Variants in TAP1 observed in about 807,000 individuals in gnomAD.
The protein encoded by TAP1 is transporter 1, ATP binding cassette subfamily B member.
In TAP1, 56 loss-of-function variants were observed where a neutral mutation model predicts 79.3. The ratio of observed to expected loss-of-function variants is 0.71; its 90% CI spans 0.57 to 0.88. The LOEUF (loss-of-function observed/expected upper bound fraction) is 0.88. Among genes scored for constraint, TAP1 ranks in the 40% least tolerant of loss-of-function variants. TAP1 has a pLI of 0.00. For missense variants in TAP1, 737 were observed against 936.3 expected, an observed-to-expected ratio of 0.79 and a Z score of 2.78; for synonymous variants, 355 against 401.4, an observed-to-expected ratio of 0.88 and a Z score of 1.38.
At position 32,847,651 on chromosome 6, in the gene TAP1, G is replaced by T; in HGVS notation, c.1765C>A (p.Gln589Lys). 6.2e-7 allele frequency: 1 copy of T among 1,613,880 alleles called. No individual in the cohort carries two copies. The highest frequency in any genetic ancestry group is 1.1e-5 in the South Asian group (1 of 91,068). ...TCTTGAAGACTTCTTCCAAATACCT[G>T]TGGCTCTTGTCCCACTGCAGCCACC... ...RQVAAVGQEP[Q>K]VFGRSLQENI... Residue 589 changes from glutamine (Q) to lysine (K), a missense_variant, in exon 9 of 11, where the codon CAG becomes AAG. By Grantham distance (53) the Gln-to-Lys change is moderately conservative. Transcript: ENST00000354258. This position sits in a 1 kb window ranked among gnomAD's most constrained non-coding sequence, Gnocchi z 4.7.
rs1353227313 is a variant in TAP1 at position 32,853,293 on chromosome 6, T to A, written c.344A>T (p.Glu115Val). ...LALPGLALFR[E>V]LISWGAPGSA... Reference sequence around the variant, plus strand: ...CCCGGGGGCTCCCCATGAGATCAGCTCTCGGAACAAGGCAAGTCCCGGCAG... The same window carrying A: ...CCCGGGGGCTCCCCATGAGATCAGCACTCGGAACAAGGCAAGTCCCGGCAG... Residue 115 changes from glutamate (E) to valine (V), a missense_variant, in exon 1 of 11, where the codon GAG becomes GTG. By Grantham distance (121) the Glu-to-Val change is moderately radical. Transcript: ENST00000354258. This position sits in a 1 kb window ranked among gnomAD's most constrained non-coding sequence, Gnocchi z 8.3. 3 of 1,582,646 alleles carry A rather than the reference T, an allele frequency of 1.9e-6. No homozygotes were observed. Among genetic ancestry groups the A allele is most frequent in the Non-Finnish European group, 2.6e-6 (3 of 1,163,816 alleles).
Position 32,847,785 on chromosome 6 carries a change from C to T in TAP1, c.1741-110G>A, listed in dbSNP as rs908908724. 1 of 1,558,838 alleles carries T rather than the reference C, an allele frequency of 6.4e-7. No homozygotes were observed. The highest frequency in any genetic ancestry group is 1.1e-5 in the South Asian group (1 of 89,856). On this transcript the variant is annotated intron_variant, in intron 8 of 10. Transcript: ENST00000354258. This position sits in a 1 kb window ranked among gnomAD's most constrained non-coding sequence, Gnocchi z 4.7. ...GAGAACATGTCACAAAATCATACTACCTCCCTCCTGACTACACCACCATCT... is the reference window on the plus strand; with the variant it reads ...GAGAACATGTCACAAAATCATACTATCTCCCTCCTGACTACACCACCATCT...
chr6:32,852,121 G>A lies in TAP1; in HGVS notation c.832C>T (p.Gln278Ter). The change falls in exon 3 of 11, where the codon CAG becomes TAG. Residue 278 changes from glutamine to a stop codon, truncating the protein, a stop_gained. Coordinates refer to ENST00000354258, the MANE Select transcript of TAP1 (RefSeq NM_000593.6). LOFTEE classifies it high-confidence loss of function. This position sits in a 1 kb window ranked among gnomAD's most constrained non-coding sequence, Gnocchi z 4.8. ...TTTCAGGAGAAACCTGTCTGGTTCT[G>A]TTGGAAAAACTCCGTCTCCTGGCGC... The part of the protein sequence containing the change: ...VLRQETEFFQ[Q>*]NQTGNIMSRV... 1 of 1,613,030 alleles carries A rather than the reference G, an allele frequency of 6.2e-7. No homozygotes were observed. Among genetic ancestry groups the A allele is most frequent in the East Asian group, 2.2e-5 (1 of 44,884 alleles).
At chr6:32,846,770 T>C (rs1393079465) in intron 10 of TAP1, among the ~76,000 whole-genome samples, 1 of 151,818 alleles carries the variant, frequency 6.6e-6, no homozygotes, top group Non-Finnish European at 1.5e-5. Context: ...TGAGCCAAGA[T>C]TGTGCCACTG....
chr6:32,852,981 C>T lies in TAP1; in HGVS notation c.598+58G>A. On this transcript the variant is annotated intron_variant, in intron 1 of 10. Coordinates refer to ENST00000354258, the MANE Select transcript of TAP1 (RefSeq NM_000593.6). This position sits in a 1 kb window ranked among gnomAD's most constrained non-coding sequence, Gnocchi z 4.8. The stretch of plus-strand genomic sequence containing the variant: ...GCTACTCTACCTTACTGACAATTAC[C>T]TTTGATTCCTGTCCCAGTCCCCTTG... 2 of 1,550,824 alleles carry T rather than the reference C, an allele frequency of 1.3e-6. No homozygotes were observed. Among genetic ancestry groups the T allele is most frequent in the South Asian group, 1.2e-5 (1 of 85,280 alleles).
rs965444707 is a variant in TAP1 at position 32,852,634 on chromosome 6, G to C, written c.599-132C>G. 1.3e-6 allele frequency: 2 copies of C among 1,541,532 alleles called. No homozygotes were observed. The highest frequency in any genetic ancestry group is 1.7e-6 in the Non-Finnish European group (2 of 1,144,798). ...GCATCAGCAGAAAGGAAACACTGAC[G>C]TCTCAATCCCGAACCTAAATAGGCT... is the stretch of plus-strand genomic sequence containing the variant. On this transcript the variant is annotated intron_variant, in intron 1 of 10. Coordinates refer to ENST00000354258, the MANE Select transcript of TAP1 (RefSeq NM_000593.6). This position sits in a 1 kb window ranked among gnomAD's most constrained non-coding sequence, Gnocchi z 4.8.
At chr6:32,846,863 A>G (rs1241045652) in intron 10 of TAP1, among the ~76,000 whole-genome samples, 1 of 151,994 alleles carries the variant, frequency 6.6e-6, no homozygotes, top group Non-Finnish European at 1.5e-5. Flanking sequence ...TGTAGTTTGT[A>G]GATAGTCTCT....
In TAP1 at chr6:32,852,231, AGCACT is replaced by A; in HGVS notation, c.717_721del (p.Val240GlyfsTer5). On this transcript the variant is annotated frameshift_variant, in exon 3 of 11. Transcript: ENST00000354258. LOFTEE classifies it high-confidence loss of function. This position sits in a 1 kb window ranked among gnomAD's most constrained non-coding sequence, Gnocchi z 4.8. Reference sequence around the variant, plus strand: ...ATAGATCCCGTCACCCACGAACTCCAGCACTGCACTATAAAGAACCCGGAAAAAAA... The same window carrying A: ...ATAGATCCCGTCACCCACGAACTCCAGCACTATAAAGAACCCGGAAAAAAA... 1 of 1,613,016 alleles carries A rather than the reference AGCACT, an allele frequency of 6.2e-7. No homozygotes were observed. The highest frequency in any genetic ancestry group is 8.5e-7 in the Non-Finnish European group (1 of 1,179,996).
Position 32,847,043 on chromosome 6 carries a change from G to T in TAP1, c.2040+25C>A, listed in dbSNP as rs55865470. On this transcript the variant is annotated intron_variant, in intron 10 of 10. Transcript: ENST00000354258. This position sits in a 1 kb window ranked among gnomAD's most constrained non-coding sequence, Gnocchi z 4.7. The stretch of plus-strand genomic sequence containing the variant: ...AAGAAGCAAGATTGGGTGGGATATA[G>T]CCATTAAGAAGATGACTGCCTCACC... The T allele has an allele frequency of 0.029, 46,017 of 1,611,042 alleles. 1,524 individuals carry two copies. Among genetic ancestry groups the T allele is most frequent in the African/African-American group, 0.14 (10,305 of 74,992 alleles).
In TAP1 at chr6:32,852,610, C is replaced by G. The variant is rs1770861078; in HGVS notation, c.599-108G>C. 3 of 1,557,310 alleles carry G rather than the reference C, an allele frequency of 1.9e-6. No individual in the cohort carries two copies. In the South Asian group the frequency reaches 3.5e-5, roughly 18 times the overall value. On this transcript the variant is annotated intron_variant, in intron 1 of 10. Transcript: ENST00000354258. This position sits in a 1 kb window ranked among gnomAD's most constrained non-coding sequence, Gnocchi z 4.8. ...TCCCCCTCACCATTATCCTGGAGGG[C>G]ATCAGCAGAAAGGAAACACTGACGT...
chr6:32,847,443 T>C lies in TAP1; in HGVS notation c.1903+70A>G, dbSNP rs923022564. On this transcript the variant is annotated intron_variant, in intron 9 of 10. Coordinates refer to ENST00000354258, the MANE Select transcript of TAP1 (RefSeq NM_000593.6). The surrounding 1 kb of genome is among the most constrained non-coding windows in gnomAD (Gnocchi z 4.7). ...CCATGAGTAAGGAGGAACTGAAGGATAAAGGCAAGACTACTGGGGTTTCAG... is the reference window on the plus strand; with the variant it reads ...CCATGAGTAAGGAGGAACTGAAGGACAAAGGCAAGACTACTGGGGTTTCAG... 74 of 1,606,498 alleles carry C rather than the reference T, an allele frequency of 4.6e-5. 1 individual carries two copies. In the South Asian group the frequency reaches 6.5e-4, roughly 14 times the overall value.
At position 32,851,924 on chromosome 6, in the gene TAP1, T is replaced by TGTGTGTGAGAGAGAGAGAGA. The variant is rs1554246364; in HGVS notation, c.844+184_844+185insTCTCTCTCTCTCTCACACAC. Among the ~76,000 whole-genome samples, 2 of 147,436 alleles carry TGTGTGTGAGAGAGAGAGAGA rather than the reference T, an allele frequency of 1.4e-5. No individual in the cohort carries two copies. Among genetic ancestry groups the TGTGTGTGAGAGAGAGAGAGA allele is most frequent in the East Asian group, 2.0e-4 (1 of 5,024 alleles). ...AAAAACAATTGTGTGTGTGTGTGTGTGAGAGAGAGAGAGAGAGAGACAGAG... is the reference window on the plus strand; with the variant it reads ...AAAAACAATTGTGTGTGTGTGTGTGTGTGTGTGAGAGAGAGAGAGAGAGAGAGAGAGAGAGAGAGACAGAG... On this transcript the variant is annotated intron_variant, in intron 3 of 10. Coordinates refer to ENST00000354258, the MANE Select transcript of TAP1 (RefSeq NM_000593.6). This position sits in a 1 kb window ranked among gnomAD's most constrained non-coding sequence, Gnocchi z 4.8.
chr6:32,853,027 C>T lies in TAP1; in HGVS notation c.598+12G>A. On this transcript the variant is annotated intron_variant, in intron 1 of 10. Transcript: ENST00000354258. The surrounding 1 kb of genome is among the most constrained non-coding windows in gnomAD (Gnocchi z 8.3). Reference sequence around the variant, plus strand: ...CCTTGTGTCCTCCCCTCTTGCCCTGCGTTCCCCTTACCAAGAGAGGAGAGG... The same window carrying T: ...CCTTGTGTCCTCCCCTCTTGCCCTGTGTTCCCCTTACCAAGAGAGGAGAGG... 6.2e-7 allele frequency: 1 copy of T among 1,610,042 alleles called. No individual in the cohort carries two copies. Among genetic ancestry groups the T allele is most frequent in the Non-Finnish European group, 8.5e-7 (1 of 1,179,788 alleles).
At position 32,853,462 on chromosome 6, in the gene TAP1, C is replaced by T. The variant is rs45538133; in HGVS notation, c.175G>A (p.Ala59Thr). Residue 59 changes from alanine to threonine, a missense_variant, in exon 1 of 11, where the codon GCG becomes ACG. Transcript: ENST00000354258. This position sits in a 1 kb window ranked among gnomAD's most constrained non-coding sequence, Gnocchi z 8.3. ...PTALPLLRVW[A>T]VGLSRWAVLW... ...ACGGCCCAGCGGCTCAGGCCCACCG[C>T]CCAGACCCGGAGCAGTGGCAGCGCG... The T allele has an allele frequency of 3.4e-5, 55 of 1,611,100 alleles. No individual in the cohort carries two copies. Among genetic ancestry groups the T allele is most frequent in the South Asian group, 5.5e-5 (5 of 91,010 alleles).
In TAP1 at chr6:32,852,385, G is replaced by T; in HGVS notation, c.713+3C>A. The T allele has an allele frequency of 6.2e-7, 1 of 1,613,064 alleles. No homozygotes were observed. Among genetic ancestry groups the T allele is most frequent in the Non-Finnish European group, 8.5e-7 (1 of 1,180,016 alleles). On this transcript the variant is annotated splice_donor_region_variant and intron_variant, in intron 2 of 10. Transcript: ENST00000354258. The surrounding 1 kb of genome is among the most constrained non-coding windows in gnomAD (Gnocchi z 4.8). ...CAGGGTGCCCCATTTTCAGCCCCCA[G>T]ACCTGGCTATGGTGAGAATGGACAT...
Position 32,850,348 on chromosome 6 carries a change from G to A in TAP1, c.1220C>T (p.Ala407Val). The A allele has an allele frequency of 6.2e-7, 1 of 1,614,252 alleles. No homozygotes were observed. The highest frequency in any genetic ancestry group is 8.5e-7 in the Non-Finnish European group (1 of 1,180,040). ...IKTLNQKEAV[A>V]YAVNSWTTSI... Reference sequence around the variant, plus strand: ...AGTGGTCCAGGAGTTGACTGCATAGGCCACAGCCTCCTTCTGGTTGAGTGT... The same window carrying A: ...AGTGGTCCAGGAGTTGACTGCATAGACCACAGCCTCCTTCTGGTTGAGTGT... The change falls in exon 5 of 11, where the codon GCC becomes GTC. Residue 407 changes from alanine to valine, a missense_variant. Transcript: ENST00000354258. The surrounding 1 kb of genome is among the most constrained non-coding windows in gnomAD (Gnocchi z 5.5).
At chr6:32,846,794 G>C (rs1330131589) in intron 10 of TAP1, among the ~76,000 whole-genome samples, 1 of 152,022 alleles carries the variant, frequency 6.6e-6, no homozygotes, top group Non-Finnish European at 1.5e-5. Context: ...TCCAGCCTGG[G>C]CAACTGAGTG....
In TAP1 at chr6:32,847,942, C is replaced by T; in HGVS notation, c.1717G>A (p.Glu573Lys). The T allele has an allele frequency of 1.9e-6, 3 of 1,613,100 alleles. No individual in the cohort carries two copies. Among genetic ancestry groups the T allele is most frequent in the Non-Finnish European group, 2.5e-6 (3 of 1,180,030 alleles). Residue 573 changes from glutamate (E) to lysine (K), a missense_variant, in exon 8 of 11, where the codon GAG becomes AAG. Physicochemically the swap from Glu to Lys is moderately conservative, Grantham distance 56. Around this residue, in one of 5 missense-constraint regions of TAP1, gnomAD observed 266 missense variants for 332.4 expected, o/e 0.80. Transcript: ENST00000354258. This position sits in a 1 kb window ranked among gnomAD's most constrained non-coding sequence, Gnocchi z 4.7. Reference sequence around the variant, plus strand: ...ACCTGCCTGTGCAGGTAGCGGTGCTCATATTGGGGAAGGGGCTTCCCATCC... The same window carrying T: ...ACCTGCCTGTGCAGGTAGCGGTGCTTATATTGGGGAAGGGGCTTCCCATCC... Reference protein sequence around the residue: ...LLDGKPLPQYEHRYLHRQVAA... With the variant: ...LLDGKPLPQYKHRYLHRQVAA...
Position 32,847,188 on chromosome 6 carries a change from C to T in TAP1, c.1920G>A (p.Gly640=). The T allele has an allele frequency of 6.2e-7, 1 of 1,612,204 alleles. No homozygotes were observed. The change falls in exon 10 of 11, where the codon GGG becomes GGA. Residue 640 remains glycine (G), a synonymous_variant. Coordinates refer to ENST00000354258, the MANE Select transcript of TAP1 (RefSeq NM_000593.6). This position sits in a 1 kb window ranked among gnomAD's most constrained non-coding sequence, Gnocchi z 4.7. Reference sequence around the variant, plus strand: ...GTCGCTGACCCCCTGACAGCTGGCTCCCAGCCTCGTCTACCTCTGCAGAGC... The same window carrying T: ...GTCGCTGACCCCCTGACAGCTGGCTTCCAGCCTCGTCTACCTCTGCAGAGC... The part of the protein sequence containing the change: ...QGYDTEVDEA[G]SQLSGGQRQA...
Sources: allele counts gnomAD v4.1 joint callset (sites outside exome capture counted in the v4.1 genomes callset), GRCh38; gene constraint gnomAD v4.1.1; regional missense constraint gnomAD v4.1.1; non-coding constraint Gnocchi (gnomAD v3.1); transcripts MANE v1.5; gene names NCBI Gene and HGNC (gene_info 2026-07-23, HGNC 2026-07-21).